Variants in MTHFD1L observed in about 807,000 individuals in gnomAD.
The protein encoded by MTHFD1L is methylenetetrahydrofolate dehydrogenase (NADP+ dependent) 1 like.
Under a neutral mutation model 119.5 loss-of-function variants are expected in MTHFD1L, and 81 were observed. The observed-to-expected ratio is 0.68, with a 90% CI of 0.57 to 0.82. MTHFD1L has a LOEUF of 0.82. MTHFD1L is among the 40% of genes least tolerant of loss of function. The pLI is 0.00. For missense variants in MTHFD1L, 1,125 were observed against 1,253.4 expected (o/e 0.90, Z 1.55); for synonymous variants, 430 against 475.2 (o/e 0.90, Z 1.24).
chr6:150,965,219 A>G (rs541959741), intron 19 of MTHFD1L, among the ~76,000 whole-genome samples, 182 bp downstream of exon 19: 1 of 152,136 alleles, frequency 6.6e-6, no homozygotes, highest in Non-Finnish European at 1.5e-5. Flanking sequence ...TGACATTGCT[A>G]CAAGGAACTA....
chr6:151,046,457 T>C (rs191127118), intron 26 of MTHFD1L, among the ~76,000 whole-genome samples: 3,796 of 136,466 alleles, frequency 0.028, 174 homozygotes, highest in Admixed American at 0.1. Context: ...TATATATATA[T>C]AATATGTGTG....
chr6:150,916,736 CCTTTTTTTTTTTTTTTT>C (rs1788004111), intron 8 of MTHFD1L, among the ~76,000 whole-genome samples: 1 of 84,292 alleles, frequency 1.2e-5, no homozygotes, highest in Non-Finnish European at 2.3e-5. Flanking sequence ...TGATTCTATC[CCTTTTTTTTTTTTTTTT>C]TTTTTTTTTT....
chr6:150,989,920 G>T (rs564964025), intron 20 of MTHFD1L, among the ~76,000 whole-genome samples: 272 of 152,278 alleles, frequency 1.8e-3, no homozygotes, highest in African/African-American at 6.2e-3. Context: ...AATGAACTTC[G>T]TGGTTAAATT....
At position 150,960,425 on chromosome 6, in the gene MTHFD1L, TC is replaced by T. The variant is rs1796266225; in HGVS notation, c.1944+12del. The T allele has an allele frequency of 6.2e-7, 1 of 1,602,320 alleles. No homozygotes were observed. Among genetic ancestry groups the T allele is most frequent in the East Asian group, 2.2e-5 (1 of 44,490 alleles). On this transcript the variant is annotated intron_variant, in intron 18 of 27. Transcript: ENST00000367321. ...GACAGCAGATGATTTGGTGAGTGTTTCCAACTCGGAAGCTTCAGGGAGTGGA... is the reference window on the plus strand; with the variant it reads ...GACAGCAGATGATTTGGTGAGTGTTTCAACTCGGAAGCTTCAGGGAGTGGA...
intron 20 of MTHFD1L, among the ~76,000 whole-genome samples, chr6:150,973,474 G>A (rs577174605): frequency 6.6e-6 from 1 of 152,174 alleles, no homozygotes; most frequent in South Asian, 2.1e-4. Context: ...GCTAATGGAC[G>A]AGGAGGCTGG....
intron 7 of MTHFD1L, among the ~76,000 whole-genome samples, chr6:150,898,499 A>G (rs1229157909): frequency 2.0e-5 from 3 of 152,204 alleles, no homozygotes; most frequent in Non-Finnish European, 4.4e-5. Flanking sequence ...AAAACCATAA[A>G]TGTCAGGAAA....
intron 7 of MTHFD1L, among the ~76,000 whole-genome samples, chr6:150,893,500 C>T (rs984725830): frequency 6.6e-6 from 1 of 152,192 alleles, no homozygotes; most frequent in African/African-American, 2.4e-5. Context: ...AGGATTATGG[C>T]TACTAAGTAG....
At chr6:150,952,417 G>A (rs1174384508) in intron 16 of MTHFD1L, among the ~76,000 whole-genome samples, 2 of 152,212 alleles carry the variant, frequency 1.3e-5, no homozygotes, top group East Asian at 1.9e-4. Context: ...GACAACTAGA[G>A]CAGGACAGTC....
chr6:151,046,412 GT>G (rs1243625926), intron 26 of MTHFD1L, among the ~76,000 whole-genome samples: 1 of 141,960 alleles, frequency 7.0e-6, no homozygotes, highest in Non-Finnish European at 1.5e-5. Context: ...TTGATGAGAT[GT>G]TGACTCATAT....
In MTHFD1L at chr6:150,865,924, C is replaced by CGGCGGCGGA; in HGVS notation, c.111_119dup (p.Gly40_Gly42dup). 1 of 1,197,774 alleles carries CGGCGGCGGA rather than the reference C, an allele frequency of 8.3e-7. No homozygotes were observed. The highest frequency in any genetic ancestry group is 3.7e-5 in the East Asian group (1 of 27,382). The allele number at this position is 1,197,774 out of a possible 1,614,324, so 74.2% of individuals were successfully genotyped here. On this transcript the variant is annotated inframe_insertion, in exon 1 of 28. Transcript: ENST00000367321. Reference sequence around the variant, plus strand: ...GTGTGCCCTGTCGCGCTAGCAGCGGCGGCGGCGGAGGCGGCGGCGGTGGCC... The same window carrying CGGCGGCGGA: ...GTGTGCCCTGTCGCGCTAGCAGCGGCGGCGGCGGAGGCGGCGGAGGCGGCGGCGGTGGCC...
chr6:151,033,278 C>T (rs540579792), intron 24 of MTHFD1L, among the ~76,000 whole-genome samples: 1 of 152,170 alleles, frequency 6.6e-6, no homozygotes, highest in African/African-American at 2.4e-5. Context: ...CGCTGCCACA[C>T]CCAGCTGATT....
chr6:150,907,215 T>C (rs1257185284), intron 8 of MTHFD1L, among the ~76,000 whole-genome samples: 2 of 152,226 alleles, frequency 1.3e-5, no homozygotes, highest in African/African-American at 4.8e-5. Context: ...GGAGTCTACT[T>C]TGATGTTCTG....
At position 150,909,191 on chromosome 6, in the gene MTHFD1L, G is replaced by T. The variant is rs556846290; in HGVS notation, c.892+3430G>T. Among the ~76,000 whole-genome samples the T allele has an allele frequency of 9.9e-4, 150 of 151,142 alleles. 1 individual carries two copies. Among genetic ancestry groups the T allele is most frequent in the African/African-American group, 3.5e-3 (143 of 41,064 alleles). On this transcript the variant is annotated intron_variant, in intron 8 of 27. Coordinates refer to ENST00000367321, the MANE Select transcript of MTHFD1L (RefSeq NM_015440.5). ...AGTTGGTTCTGTTCACTCTACTATT[G>T]CATGAGTCCAATGTTTAGATTTTAA...
intron 20 of MTHFD1L, among the ~76,000 whole-genome samples, chr6:150,987,641 G>T (rs1180136201): frequency 6.6e-6 from 1 of 152,202 alleles, no homozygotes; most frequent in Middle Eastern, 3.2e-3. Context: ...TTGAACCTGA[G>T]TGTCGGCCCC....
In MTHFD1L at chr6:151,039,549, A is replaced by G. The variant is rs4869971; in HGVS notation, c.2847+2432A>G. ...GACTACAGGCTCATGCCACTGTGCC[A>G]GGCCTGTGTATAATTTAATTATACC... On this transcript the variant is annotated intron_variant, in intron 26 of 27. Transcript: ENST00000367321. This position sits in a 1 kb window ranked among gnomAD's most constrained non-coding sequence, Gnocchi z 4.4. Among the ~76,000 whole-genome samples the G allele has an allele frequency of 0.89, 135,877 of 152,028 alleles. 61,014 individuals carry two copies. The highest frequency in any genetic ancestry group is 0.97 in the African/African-American group (40,353 of 41,504).
At chr6:151,040,549 A>G (rs1251899359) in intron 26 of MTHFD1L, among the ~76,000 whole-genome samples, 10 of 151,932 alleles carry the variant, frequency 6.6e-5, no homozygotes, top group Non-Finnish European at 1.3e-4. Context: ...TCTCTACTTA[A>G]ACAAAAATTA....
intron 7 of MTHFD1L, among the ~76,000 whole-genome samples, chr6:150,904,782 A>G (rs1562351407): frequency 6.6e-6 from 1 of 152,196 alleles, no homozygotes; most frequent in Non-Finnish European, 1.5e-5. Flanking sequence ...TCAAAATGCA[A>G]ATAGGATGGA....
At chr6:151,011,760 G>C (rs977458540) in intron 21 of MTHFD1L, among the ~76,000 whole-genome samples, 1 of 152,036 alleles carries the variant, frequency 6.6e-6, no homozygotes, top group African/African-American at 2.4e-5. Context: ...TATGGGTGGA[G>C]GATAAGAAAA....
intron 1 of MTHFD1L, among the ~76,000 whole-genome samples, chr6:150,869,198 G>A (rs560049585): frequency 3.9e-4 from 59 of 152,054 alleles, no homozygotes; most frequent in Non-Finnish European, 6.0e-4. Context: ...TCTGGGAAAC[G>A]TGCCGAACGT....
Sources: gnomAD v4.1 joint callset for allele counts (sites outside exome capture counted in the v4.1 genomes callset) on GRCh38, gnomAD v4.1.1 for gene constraint, Gnocchi (gnomAD v3.1) non-coding constraint, MANE v1.5 for transcripts, NCBI Gene and HGNC (gene_info 2026-07-23, HGNC 2026-07-21) for gene names.